Variants in SETD2 observed in about 807,000 individuals in gnomAD.
SETD2 encodes histone-lysine N-methyltransferase SETD2.
A neutral mutation model predicts 242.1 loss-of-function variants in SETD2; 31 were observed. The ratio of observed to expected loss-of-function variants is 0.13; its 90% confidence interval spans 0.10 to 0.17. The LOEUF (loss-of-function observed/expected upper bound fraction) is 0.17, where lower values mean the gene tolerates loss of function less well. Ranked by LOEUF, SETD2 falls within the 10% of genes least tolerant of loss-of-function variation. The pLI is 1.00. For synonymous variants in SETD2, 1,006 were observed against 1,066.5 expected (o/e 0.94, Z 1.11); for missense variants, 2,481 against 3,046.3 (o/e 0.81, Z 4.37).
At chr3:47,113,830 C>A (rs773029992) in intron 5 of SETD2, 46 bp downstream of exon 5, 4 of 1,590,928 alleles carry the variant, frequency 2.5e-6, no homozygotes, top group East Asian at 4.5e-5. Flanking sequence ...AAGAGTGAGA[C>A]CTTGTCTCAA....
intron 1 of SETD2, among the ~76,000 whole-genome samples, chr3:47,130,858 A>G (rs758894317): frequency 1.4e-4 from 21 of 152,320 alleles, no homozygotes; most frequent in Middle Eastern, 6.8e-3. Context: ...ATGGAATTAT[A>G]TATTTAAAGA....
rs117599093 is a variant in SETD2 at position 47,135,423 on chromosome 3, C to T, written c.72-8760G>A. ...CTGAGTAGCTGGGACTAGAGGCACA[C>T]GCCACTTACGTCCAGCTAATTTTTA... On this transcript the variant is annotated intron_variant, in intron 1 of 20. Transcript: ENST00000409792. Among the ~76,000 whole-genome samples the T allele has an allele frequency of 8.1e-4, 123 of 152,242 alleles. 2 individuals are homozygous for T. In the East Asian group the frequency reaches 0.017, roughly 22 times the overall value.
rs2106667557 is a variant in SETD2, at chr3:47,122,046, C to T, written c.2590G>A (p.Val864Ile). The T allele has an allele frequency of 6.2e-7, 1 of 1,613,772 alleles. No individual in the cohort carries two copies. Among genetic ancestry groups the T allele is most frequent in the South Asian group, 1.1e-5 (1 of 91,086 alleles). ...TGATATAAATCATCAAAATGATTAACAGAAGCTGAACTAGTGCTACCGATG... is the reference window on the plus strand; with the variant it reads ...TGATATAAATCATCAAAATGATTAATAGAAGCTGAACTAGTGCTACCGATG... ...QSIGSTSSASVNHFDDLYQPI... is the reference protein window; with the variant it reads ...QSIGSTSSASINHFDDLYQPI... The change falls in exon 3 of 21, where the codon GTT (valine) becomes ATT (isoleucine). Residue 864 changes from valine (V) to isoleucine (I), a missense_variant. Val to Ile is a conservative substitution (Grantham distance 29, BLOSUM62 3). Coordinates refer to ENST00000409792, the MANE Select transcript of SETD2 (RefSeq NM_014159.7).
intron 1 of SETD2, among the ~76,000 whole-genome samples, chr3:47,133,758 G>C (rs945438425): frequency 6.6e-6 from 1 of 151,962 alleles, no homozygotes; most frequent in Admixed American, 6.6e-5. Context: ...TGGACCCTTG[G>C]AAATCCTAGA....
chr3:47,071,540 G>A (rs2040818536), intron 12 of SETD2, among the ~76,000 whole-genome samples: 1 of 152,126 alleles, frequency 6.6e-6, no homozygotes, highest in Non-Finnish European at 1.5e-5. Context: ...CCAAAACATT[G>A]TGTTTCCAGG....
chr3:47,046,352 T>C, intron 16 of SETD2, 135 bp downstream of exon 16: 2 of 657,786 alleles, frequency 3.0e-6, no homozygotes, highest in South Asian at 4.6e-5. Flanking sequence ...AAAAATAAAA[T>C]AAAATAAAAT....
intron 18 of SETD2, among the ~76,000 whole-genome samples, chr3:47,020,762 C>T (rs1018867215): frequency 6.6e-6 from 1 of 152,168 alleles, no homozygotes; most frequent in African/African-American, 2.4e-5. Context: ...GTACTTCACA[C>T]TTTTTTGTTA....
At chr3:47,074,035 T>G (rs2040944938) in intron 12 of SETD2, among the ~76,000 whole-genome samples, 1 of 152,164 alleles carries the variant, frequency 6.6e-6, no homozygotes, top group Admixed American at 6.5e-5. Flanking sequence ...ATGACTTAGG[T>G]GAAAATTACT....
At position 47,121,275 on chromosome 3, in the gene SETD2, C is replaced by T. The variant is rs1336548478; in HGVS notation, c.3361G>A (p.Ala1121Thr). 1.3e-5 allele frequency: 21 copies of T among 1,613,560 alleles called. No individual in the cohort carries two copies. The highest frequency in any genetic ancestry group is 1.8e-5 in the Non-Finnish European group (21 of 1,179,982). Reference protein sequence around the residue: ...HLYEEKFESIASKACPQTDKF... With the variant: ...HLYEEKFESITSKACPQTDKF... Reference sequence around the variant, plus strand: ...TCAGTTTGAGGACAGGCTTTACTTGCTATACTTTCAAATTTTTCCTCATAC... The same window carrying T: ...TCAGTTTGAGGACAGGCTTTACTTGTTATACTTTCAAATTTTTCCTCATAC... Residue 1121 changes from alanine to threonine, a missense_variant, in exon 3 of 21, where the codon GCA (alanine) becomes ACA (threonine). Physicochemically the swap from Ala to Thr is moderately conservative, Grantham distance 58. This residue lies in a region of SETD2 where 1,300 missense variants were observed against 1,259.2 expected (regional missense o/e 1.03). Transcript: ENST00000409792.
At chr3:47,138,809 G>T (rs1002324555) in intron 1 of SETD2, among the ~76,000 whole-genome samples, 2 of 151,810 alleles carry the variant, frequency 1.3e-5, no homozygotes, top group Non-Finnish European at 2.9e-5. Flanking sequence ...CAAGTGATCT[G>T]CCCACCTCAG....
intron 18 of SETD2, among the ~76,000 whole-genome samples, chr3:47,025,558 C>T (rs1272912773): frequency 1.3e-5 from 2 of 152,200 alleles, no homozygotes; most frequent in Non-Finnish European, 2.9e-5. Context: ...ACCTACTTTT[C>T]CATATCTTTG....
chr3:47,100,257 TGTTC>T (rs2042158136), intron 8 of SETD2, among the ~76,000 whole-genome samples: 1 of 151,788 alleles, frequency 6.6e-6, no homozygotes. Context: ...CGTAGTTTTT[TGTTC>T]GTTTGCTTTT....
rs190884272 is a variant in SETD2 at position 47,079,437 on chromosome 3, T to A, written c.6060+4283A>T. Among the ~76,000 whole-genome samples the A allele has an allele frequency of 1.3e-3, 204 of 152,234 alleles. 2 individuals carry two copies. The highest frequency in any genetic ancestry group is 5.2e-3 in the Admixed American group (80 of 15,290). On this transcript the variant is annotated intron_variant, in intron 12 of 20. Coordinates refer to ENST00000409792, the MANE Select transcript of SETD2 (RefSeq NM_014159.7). ...TTCCTAAACAGCATCAAGACTTTTT[T>A]AAAAAAACTAATTTCATGGGCAGCA...
chr3:47,115,440 T>A (rs74865995), intron 4 of SETD2, among the ~76,000 whole-genome samples: 4,634 of 152,280 alleles, frequency 0.03, 226 homozygotes, highest in East Asian at 0.13. Flanking sequence ...ACATCTGTAC[T>A]GTCATCTCTC....
Position 47,120,688 on chromosome 3 carries a change from A to C in SETD2, c.3948T>G (p.Thr1316=), listed in dbSNP as rs374444514. ...WDPRSGRPPG[T]GVVYDRTQGQ... The stretch of plus-strand genomic sequence containing the variant: ...CTTGAGTTCGATCATACACAACCCC[A>C]GTTCCAGGAGGTCTACCTGATCTTG... Residue 1316 remains threonine, a synonymous_variant, in exon 3 of 21, where the codon ACT becomes ACG. Transcript: ENST00000409792. 4.3e-6 allele frequency: 7 copies of C among 1,614,038 alleles called. No individual in the cohort carries two copies. The highest frequency in any genetic ancestry group is 5.9e-6 in the Non-Finnish European group (7 of 1,180,042).
chr3:47,067,245 T>G lies in SETD2; in HGVS notation c.6061-127A>C, dbSNP rs1026614406. 4.1e-6 allele frequency: 3 copies of G among 725,970 alleles called. No homozygotes were observed. In the Admixed American group the frequency reaches 7.7e-5, roughly 19 times the overall value. 45.0% of individuals were successfully genotyped at this position (725,970 alleles called of 1,614,324 possible). ...CAAGCTGGTACTTATTCTCTAAAAT[T>G]TGACTTATATCTGGGCTTTAAATAA... On this transcript the variant is annotated intron_variant, in intron 12 of 20. Coordinates refer to ENST00000409792, the MANE Select transcript of SETD2 (RefSeq NM_014159.7).
intron 1 of SETD2, among the ~76,000 whole-genome samples, chr3:47,161,489 T>C (rs1195488878): frequency 1.3e-5 from 2 of 152,178 alleles, no homozygotes; most frequent in Non-Finnish European, 2.9e-5. Context: ...ACTTCACTTC[T>C]CTAGCCTTCA....
At chr3:47,088,052 T>C in intron 10 of SETD2, 61 bp downstream of exon 10, 3 of 1,485,650 alleles carry the variant, frequency 2.0e-6, no homozygotes, top group South Asian at 1.2e-5. Context: ...TCTTCATTCA[T>C]CTTCATTCAT....
rs1290362272 is a variant in SETD2 at position 47,083,939 on chromosome 3, AC to A, written c.5840del (p.Ser1947IlefsTer14). ...CTTCTGGTTCAGATGTAGGTAGCTT[AC>A]TAGCTTCTATGTTGGTTTCACTATC... Reference protein sequence around the residue: ...KVDSETNIEASKLPTSEPEAD... With the variant: ...KVDSETNIEAXKLPTSEPEAD... On this transcript the variant is annotated frameshift_variant, in exon 12 of 21. Transcript: ENST00000409792. LOFTEE classifies it high-confidence loss of function. 6.2e-7 allele frequency: 1 copy of A among 1,614,132 alleles called. No individual in the cohort carries two copies. Among genetic ancestry groups the A allele is most frequent in the Non-Finnish European group, 8.5e-7 (1 of 1,180,002 alleles).
Sources: gnomAD v4.1 joint callset for allele counts (sites outside exome capture counted in the v4.1 genomes callset) on GRCh38, gnomAD v4.1.1 for gene constraint, gnomAD v4.1.1 regional missense constraint, MANE v1.5 for transcripts, NCBI Gene and HGNC (gene_info 2026-07-23, HGNC 2026-07-21) for gene names.